Variants in PARD3B observed in about 807,000 individuals in gnomAD.
PARD3B encodes par-3 family cell polarity regulator beta.
A neutral mutation model predicts 130.2 loss-of-function variants in PARD3B; 103 were observed. That is an observed-to-expected ratio of 0.79 (90% CI 0.67 to 0.93). PARD3B has a LOEUF of 0.93. Ranked by LOEUF, PARD3B falls within the 40% of genes least tolerant of loss-of-function variation. PARD3B has a pLI of 0.00. For missense variants in PARD3B, 1,609 were observed against 1,499.2 expected (o/e 1.07, Z -1.21); for synonymous variants, 583 against 553.2 (o/e 1.05, Z -0.76).
At chr2:204,578,710 G>A (rs1047043940) in intron 1 of PARD3B, among the ~76,000 whole-genome samples, 5 of 152,018 alleles carry the variant, frequency 3.3e-5, no homozygotes, top group African/African-American at 9.7e-5. Context: ...TTTGAAGTCC[G>A]GCCTATTCCC....
chr2:204,590,206 G>A (rs2033014444), intron 1 of PARD3B, among the ~76,000 whole-genome samples: 1 of 152,074 alleles, frequency 6.6e-6, no homozygotes, highest in South Asian at 2.1e-4. Flanking sequence ...TCACAGGGTG[G>A]AGAGCAGACA....
intron 2 of PARD3B, among the ~76,000 whole-genome samples, chr2:204,867,755 A>G (rs913966414): frequency 6.6e-6 from 1 of 152,188 alleles, no homozygotes; most frequent in African/African-American, 2.4e-5. Flanking sequence ...CGATGTATTT[A>G]GCAGACATTT....
chr2:205,369,198 G>T (rs2105902605), intron 18 of PARD3B, among the ~76,000 whole-genome samples: 1 of 152,302 alleles, frequency 6.6e-6, no homozygotes, highest in East Asian at 1.9e-4. Flanking sequence ...GTAATAGTGT[G>T]CACAGCCTAT....
intron 15 of PARD3B, among the ~76,000 whole-genome samples, chr2:205,237,587 G>A (rs557555188): frequency 1.1e-4 from 16 of 152,226 alleles, no homozygotes; most frequent in Middle Eastern, 3.4e-3. Context: ...CTGTTTGTAT[G>A]AAGTATTCAG....
At chr2:205,429,601 A>G (rs1211334344) in intron 19 of PARD3B, among the ~76,000 whole-genome samples, 1 of 152,200 alleles carries the variant, frequency 6.6e-6, no homozygotes, top group Non-Finnish European at 1.5e-5. Context: ...GATGGAGAAG[A>G]CAGAGATGAA....
chr2:204,795,665 T>C (rs1224208675), intron 2 of PARD3B, among the ~76,000 whole-genome samples: 1 of 152,238 alleles, frequency 6.6e-6, no homozygotes. Context: ...ATTGGAGAAC[T>C]TATTAACTGA....
intron 18 of PARD3B, among the ~76,000 whole-genome samples, chr2:205,355,052 C>A (rs1462872121): frequency 6.6e-6 from 1 of 152,132 alleles, no homozygotes; most frequent in South Asian, 2.1e-4. Context: ...CTCACCCTTC[C>A]CATTGGCCAA....
intron 1 of PARD3B, among the ~76,000 whole-genome samples, chr2:204,550,410 GAC>G (rs916389201): frequency 7.5e-6 from 1 of 133,866 alleles, no homozygotes; most frequent in African/African-American, 2.9e-5. Context: ...GCGGAGGGCT[GAC>G]TGTGTGTGTG....
At chr2:205,081,794 T>A (rs973517039) in intron 4 of PARD3B, among the ~76,000 whole-genome samples, 12 of 152,170 alleles carry the variant, frequency 7.9e-5, no homozygotes, top group Admixed American at 2.0e-4. Context: ...AACAGTTGAT[T>A]AAATATTTTT....
chr2:204,708,469 C>T (rs1475442919), intron 2 of PARD3B, among the ~76,000 whole-genome samples: 1 of 152,150 alleles, frequency 6.6e-6, no homozygotes, highest in African/African-American at 2.4e-5. Context: ...CAGAAACGAT[C>T]TCCTAGTATT....
intron 2 of PARD3B, among the ~76,000 whole-genome samples, chr2:204,712,455 A>G (rs898456020): frequency 3.9e-5 from 6 of 151,938 alleles, no homozygotes; most frequent in African/African-American, 7.3e-5. Context: ...TACTAAAAAT[A>G]CAAAAATTAT....
rs1350387137 is a variant in PARD3B, at chr2:205,230,065, C to A, written c.2141-15713C>A. 6.6e-6 allele frequency among the ~76,000 whole-genome samples: 1 copy of A among 152,032 alleles called. No homozygotes were observed. The highest frequency in any genetic ancestry group is 1.5e-5 in the Non-Finnish European group (1 of 68,014). ...CAGTGGGCTCTCCTCTGGCCCAGGG[C>A]AGATCCAGAGATGCTGTCTAAGAGC... On this transcript the variant is annotated intron_variant, in intron 15 of 22. Coordinates refer to ENST00000406610, the MANE Select transcript of PARD3B (RefSeq NM_001302769.2). This position sits in a 1 kb window ranked among gnomAD's most constrained non-coding sequence, Gnocchi z 4.1.
intron 18 of PARD3B, among the ~76,000 whole-genome samples, chr2:205,348,924 GAAATC>G (rs1437091432): frequency 1.3e-5 from 2 of 152,058 alleles, no homozygotes; most frequent in African/African-American, 2.4e-5. Flanking sequence ...TGAATTTTGA[GAAATC>G]AAATCAACTC....
At chr2:205,086,488 GC>G (rs1163304295) in intron 4 of PARD3B, among the ~76,000 whole-genome samples, 1 of 152,144 alleles carries the variant, frequency 6.6e-6, no homozygotes, top group Non-Finnish European at 1.5e-5. Context: ...ACCTAGTTCT[GC>G]ATGGTTTCAG....
rs2040454631 is a variant in PARD3B at position 205,265,084 on chromosome 2, T to C, written c.2185+19262T>C. On this transcript the variant is annotated intron_variant, in intron 16 of 22. Coordinates refer to ENST00000406610, the MANE Select transcript of PARD3B (RefSeq NM_001302769.2). The surrounding 1 kb of genome is among the most constrained non-coding windows in gnomAD (Gnocchi z 4.3). ...TATCAACAGCGAAACCGGATAGATG[T>C]GGCACCAATAGCTTACTTCAAATAA... Among the ~76,000 whole-genome samples the C allele has an allele frequency of 7.1e-6, 1 of 141,698 alleles. No homozygotes were observed. The highest frequency in any genetic ancestry group is 2.2e-4 in the South Asian group (1 of 4,582). The allele number at this position is 141,698 out of a possible 152,430, so 93.0% of individuals were successfully genotyped here.
At chr2:204,592,381 T>G (rs894581180) in intron 1 of PARD3B, among the ~76,000 whole-genome samples, 2 of 152,232 alleles carry the variant, frequency 1.3e-5, no homozygotes, top group African/African-American at 4.8e-5. Context: ...GAGGTACTTT[T>G]TATGTATTGT....
chr2:205,392,362 G>C (rs1048032478), intron 18 of PARD3B, among the ~76,000 whole-genome samples: 36 of 152,156 alleles, frequency 2.4e-4, no homozygotes, highest in African/African-American at 8.7e-4. Flanking sequence ...TTCTAGAAAT[G>C]AGTGACAACC....
intron 22 of PARD3B, among the ~76,000 whole-genome samples, chr2:205,581,332 G>T (rs1244245027): frequency 6.9e-6 from 1 of 145,914 alleles, no homozygotes; most frequent in Non-Finnish European, 1.5e-5. Context: ...TTATATCCCT[G>T]TCATATACGT....
At chr2:204,984,914 C>G (rs920328543) in intron 3 of PARD3B, among the ~76,000 whole-genome samples, 8 of 152,002 alleles carry the variant, frequency 5.3e-5, no homozygotes, top group African/African-American at 1.7e-4. Flanking sequence ...TGCCCACCCC[C>G]CCGCACCCCA....
Sources: gnomAD v4.1 joint callset for allele counts (sites outside exome capture counted in the v4.1 genomes callset) on GRCh38, gnomAD v4.1.1 for gene constraint, Gnocchi (gnomAD v3.1) non-coding constraint, MANE v1.5 for transcripts, NCBI Gene and HGNC (gene_info 2026-07-23, HGNC 2026-07-21) for gene names.